MAOA: variants seen among roughly 807,000 people sequenced by gnomAD.
The protein encoded by MAOA is monoamine oxidase A.
In MAOA, 6 loss-of-function variants were observed where a neutral mutation model predicts 42.0. The ratio of observed to expected loss-of-function variants is 0.14; its 90% CI spans 0.08 to 0.28. The LOEUF (loss-of-function observed/expected upper bound fraction) is 0.28. Among genes scored for constraint, MAOA ranks in the 10% least tolerant of loss-of-function variants. The pLI, the probability that MAOA is intolerant of heterozygous loss-of-function variation, is 1.00. For synonymous variants in MAOA, 140 were observed against 154.0 expected (o/e 0.91, Z 0.67); for missense variants, 262 against 422.3 (o/e 0.62, Z 3.33).
intron 5 of MAOA, 48 bp from the exon 6 acceptor site, chrX:43,728,125 A>T (rs1243604848): frequency 2.6e-6 from 3 of 1,140,078 alleles, no homozygotes; most frequent in East Asian, 6.0e-5. Context: ...ACATTCTCTG[A>T]CTCCTGTACA....
At chrX:43,718,241 T>A (rs1158520473) in intron 5 of MAOA, among the ~76,000 whole-genome samples, 1 of 103,552 alleles carries the variant, frequency 9.7e-6, no homozygotes, top group Non-Finnish European at 2.0e-5. Flanking sequence ...GGAGACAGGG[T>A]ACATTGGGTT....
intron 10 of MAOA, among the ~76,000 whole-genome samples, chrX:43,737,975 AACCCT>A (rs1317971328): frequency 8.9e-6 from 1 of 112,066 alleles, no homozygotes; most frequent in Non-Finnish European, 1.9e-5. Flanking sequence ...TGTAAGGCAA[AACCCT>A]TACTAAATAT....
Position 43,716,060 on chromosome X carries a change from AGGG to A in MAOA, c.503+3267_503+3269del, listed in dbSNP as rs1490946296. Among the ~76,000 whole-genome samples the A allele has an allele frequency of 5.5e-5, 6 of 109,817 alleles. No individual in the cohort carries two copies. In the East Asian group the frequency reaches 1.8e-3, roughly 32 times the overall value. On this transcript the variant is annotated intron_variant, in intron 5 of 14. Coordinates refer to ENST00000338702, the MANE Select transcript of MAOA (RefSeq NM_000240.4). ...GTGACCTGAAGGGTAAAGGTTGTGAAGGGGGATATCTTCCAGTAATCACCCAAA... is the reference window on the plus strand; with the variant it reads ...GTGACCTGAAGGGTAAAGGTTGTGAAGGATATCTTCCAGTAATCACCCAAA...
At chrX:43,703,884 AG>A (rs1318911516) in intron 3 of MAOA, among the ~76,000 whole-genome samples, 1 of 111,739 alleles carries the variant, frequency 8.9e-6, no homozygotes. Context: ...GATCAGAGTA[AG>A]AGATGCTATC....
intron 3 of MAOA, among the ~76,000 whole-genome samples, chrX:43,698,557 G>C (rs1271014043): frequency 8.9e-6 from 1 of 112,140 alleles, no homozygotes; most frequent in African/African-American, 3.2e-5. Context: ...AATCTACTCT[G>C]TACCAGATAT....
At chrX:43,693,521 A>G (rs919131365) in intron 3 of MAOA, 93 bp downstream of exon 3, 6 of 977,851 alleles carry the variant, frequency 6.1e-6, no homozygotes, top group Non-Finnish European at 8.7e-6. Flanking sequence ...TTTCAAAGCA[A>G]TTGTAAAAGT....
In MAOA at chrX:43,656,324, G is replaced by A; in HGVS notation, c.-18G>A. Reference sequence around the variant, plus strand: ...CCCCACTCCTGTGCCTACGACCCAGGAGCGTGTCAGCCAAAGCATGGAGAA... The same window carrying A: ...CCCCACTCCTGTGCCTACGACCCAGAAGCGTGTCAGCCAAAGCATGGAGAA... On this transcript the variant is annotated 5_prime_UTR_variant, in exon 1 of 15. Transcript: ENST00000338702. The A allele has an allele frequency of 8.3e-7, 1 of 1,207,686 alleles. No individual in the cohort carries two copies. Among genetic ancestry groups the A allele is most frequent in the Non-Finnish European group, 1.1e-6 (1 of 891,703 alleles).
chrX:43,672,273 T>C (rs1057418994), intron 1 of MAOA, among the ~76,000 whole-genome samples: 1 of 111,541 alleles, frequency 9.0e-6, no homozygotes, highest in African/African-American at 3.3e-5. Context: ...AGAATGCTTG[T>C]GATTTTTGTA....
intron 2 of MAOA, among the ~76,000 whole-genome samples, chrX:43,685,164 G>A (rs1423293196): frequency 2.7e-5 from 3 of 111,160 alleles, no homozygotes; most frequent in Admixed American, 9.6e-5. Flanking sequence ...ACAGGCATGA[G>A]CCACCGCACC....
chrX:43,722,860 C>T (rs1245628963), intron 5 of MAOA, among the ~76,000 whole-genome samples: 3 of 111,370 alleles, frequency 2.7e-5, no homozygotes, highest in Non-Finnish European at 5.7e-5. Context: ...AGTTAATTTT[C>T]GTATAAAGTG....
At chrX:43,729,961 A>G (rs2033867361) in intron 6 of MAOA, among the ~76,000 whole-genome samples, 1 of 110,604 alleles carries the variant, frequency 9.0e-6, no homozygotes, top group South Asian at 3.9e-4. Context: ...TTGGAGGCCA[A>G]GGAGGGTGGA....
At chrX:43,740,787 A>G in intron 11 of MAOA, 49 bp downstream of exon 11, 3 of 1,074,892 alleles carry the variant, frequency 2.8e-6, no homozygotes, top group South Asian at 2.0e-5. Context: ...TCTGTTCACT[A>G]TAAGTAGTAA....
intron 8 of MAOA, among the ~76,000 whole-genome samples, chrX:43,732,182 A>G (rs2033887095): frequency 9.0e-6 from 1 of 111,688 alleles, no homozygotes; most frequent in African/African-American, 3.3e-5. Flanking sequence ...GAAGTTACAC[A>G]TTCCGGGACT....
intron 1 of MAOA, among the ~76,000 whole-genome samples, chrX:43,667,900 T>A (rs1044364229): frequency 1.8e-5 from 2 of 112,382 alleles, no homozygotes; most frequent in African/African-American, 6.5e-5. Context: ...TATTTTACCT[T>A]ATTTATTTCA....
At chrX:43,698,299 C>T (rs1168424043) in intron 3 of MAOA, among the ~76,000 whole-genome samples, 2 of 111,795 alleles carry the variant, frequency 1.8e-5, no homozygotes, top group South Asian at 3.8e-4. Context: ...AGGAACTACT[C>T]GTTACCTTTG....
intron 1 of MAOA, among the ~76,000 whole-genome samples, chrX:43,665,172 A>G (rs1000968133): frequency 1.8e-5 from 2 of 111,948 alleles, no homozygotes; most frequent in Admixed American, 1.9e-4. Flanking sequence ...TTATTATGCT[A>G]TTTGAACAAT....
At chrX:43,679,661 A>T (rs1267423151) in intron 1 of MAOA, among the ~76,000 whole-genome samples, 2 of 111,239 alleles carry the variant, frequency 1.8e-5, no homozygotes, top group African/African-American at 6.5e-5. Context: ...CCTCCTTACA[A>T]GAGGAGCTGC....
At chrX:43,730,729 C>T (rs2033874553) in intron 6 of MAOA, among the ~76,000 whole-genome samples, 1 of 110,281 alleles carries the variant, frequency 9.1e-6, no homozygotes. Flanking sequence ...TTGGTGGTGA[C>T]TAGTAGGACT....
At chrX:43,669,341 C>T (rs1040841583) in intron 1 of MAOA, among the ~76,000 whole-genome samples, 1 of 110,320 alleles carries the variant, frequency 9.1e-6, no homozygotes, top group African/African-American at 3.3e-5. Context: ...TTACTTAAAC[C>T]CAGGGGGCAG....
Sources: gnomAD v4.1 joint callset for allele counts (sites outside exome capture counted in the v4.1 genomes callset) on GRCh38, gnomAD v4.1.1 for gene constraint, MANE v1.5 for transcripts, NCBI Gene and HGNC (gene_info 2026-07-23, HGNC 2026-07-21) for gene names.